IKZF2: variants seen among roughly 807,000 people sequenced by gnomAD.
IKZF2 encodes zinc finger protein Helios.
In IKZF2, 15 loss-of-function variants were observed where a neutral mutation model predicts 49.2. That is an observed-to-expected ratio of 0.30 (90% CI 0.20 to 0.47). The LOEUF is 0.47. Among genes scored for constraint, IKZF2 ranks in the 20% least tolerant of loss-of-function variants. The pLI is 1.00. For synonymous variants in IKZF2, 227 were observed against 221.4 expected (o/e 1.03, Z -0.23); for missense variants, 567 against 664.6 (o/e 0.85, Z 1.61).
intron 4 of IKZF2, among the ~76,000 whole-genome samples, chr2:213,065,682 G>A (rs1053774983): frequency 2.0e-5 from 3 of 151,992 alleles, no homozygotes; most frequent in Non-Finnish European, 2.9e-5. Flanking sequence ...TTACAAATGA[G>A]GAAACTGAAG....
At chr2:213,124,536 G>A (rs927038527) in intron 4 of IKZF2, among the ~76,000 whole-genome samples, 5 of 152,074 alleles carry the variant, frequency 3.3e-5, no homozygotes, top group Admixed American at 3.3e-4. Flanking sequence ...GACAGACCAG[G>A]AGCTACAAAA....
At chr2:213,148,735 G>T in intron 2 of IKZF2, 91 bp from the exon 3 acceptor site, 1 of 1,067,600 alleles carries the variant, frequency 9.4e-7, no homozygotes, top group Non-Finnish European at 1.4e-6. Context: ...CAAGCAGTTA[G>T]TCCATGTTGC....
chr2:213,024,751 C>T (rs17356175), intron 6 of IKZF2, among the ~76,000 whole-genome samples: 29,917 of 151,882 alleles, frequency 0.2, 3,926 homozygotes, highest in Non-Finnish European at 0.29. Context: ...CAGACATTGC[C>T]AACAATCCCT....
intron 6 of IKZF2, among the ~76,000 whole-genome samples, chr2:213,026,183 GT>G (rs1461461147): frequency 6.6e-6 from 1 of 152,088 alleles, no homozygotes; most frequent in African/African-American, 2.4e-5. Context: ...ACACTTCTGA[GT>G]TTTGTTTGTT....
At chr2:213,041,105 G>A (rs1699595534) in intron 6 of IKZF2, among the ~76,000 whole-genome samples, 1 of 151,028 alleles carries the variant, frequency 6.6e-6, no homozygotes, top group Non-Finnish European at 1.5e-5. Context: ...GCCACAGAGT[G>A]AGACCCTGTC....
At position 213,001,446 on chromosome 2, in the gene IKZF2, A is replaced by G. The variant is rs1694895145; in HGVS notation, c.*5914T>C. The G allele has an allele frequency of 6.6e-6, 1 of 151,908 alleles. No individual in the cohort carries two copies. The highest frequency in any genetic ancestry group is 6.6e-5 in the Admixed American group (1 of 15,170). 9.4% of individuals were successfully genotyped at this position (151,908 alleles called of 1,614,324 possible). Reference sequence around the variant, plus strand: ...TAAAGGAAAGCAAACATACTATAATAGGATTACATAATCTCTGAAGTAATG... The same window carrying G: ...TAAAGGAAAGCAAACATACTATAATGGGATTACATAATCTCTGAAGTAATG... On this transcript the variant is annotated 3_prime_UTR_variant, in exon 9 of 9. Coordinates refer to ENST00000434687, the MANE Select transcript of IKZF2 (RefSeq NM_001387220.1).
chr2:213,069,369 A>T (rs1360255209), intron 4 of IKZF2, among the ~76,000 whole-genome samples: 1 of 152,138 alleles, frequency 6.6e-6, no homozygotes, highest in Non-Finnish European at 1.5e-5. Flanking sequence ...AACCATTAAA[A>T]GTTATTTTAA....
intron 7 of IKZF2, 79 bp downstream of exon 7, chr2:213,021,914 C>T (rs1697261979): frequency 4.2e-6 from 3 of 709,622 alleles, no homozygotes; most frequent in Non-Finnish European, 6.0e-6. Context: ...TAGTTTTAAA[C>T]AGCATAAGAT....
At chr2:213,067,556 A>G (rs559137849) in intron 4 of IKZF2, among the ~76,000 whole-genome samples, 2 of 152,142 alleles carry the variant, frequency 1.3e-5, no homozygotes, top group Non-Finnish European at 2.9e-5. Context: ...AAAGTACAAG[A>G]GAATTAATGC....
intron 4 of IKZF2, among the ~76,000 whole-genome samples, chr2:213,092,556 T>C (rs758063849): frequency 6.6e-6 from 1 of 152,150 alleles, no homozygotes; most frequent in Non-Finnish European, 1.5e-5. Flanking sequence ...GTCCCCCCTG[T>C]GATGGTACCA....
rs112988286 is a variant in IKZF2 at position 213,147,680 on chromosome 2, A to AC, written c.139+27_139+28insG. 5.3e-3 allele frequency: 5,791 copies of AC among 1,098,280 alleles called. 38 individuals carry two copies. The highest frequency in any genetic ancestry group is 0.031 in the Middle Eastern group (105 of 3,394). The allele number at this position is 1,098,280 out of a possible 1,614,324, so 68.0% of individuals were successfully genotyped here. On this transcript the variant is annotated intron_variant, in intron 4 of 8. Transcript: ENST00000434687. ...TGTTGCTGGAGAGACACACACACAC[A>AC]AAAAAAAATCATAAAATGAAGACTT...
chr2:213,040,954 C>T (rs914486739), intron 6 of IKZF2, among the ~76,000 whole-genome samples: 1 of 151,870 alleles, frequency 6.6e-6, no homozygotes, highest in Non-Finnish European at 1.5e-5. Context: ...CCCGTCTCTA[C>T]TAAAAATACA....
At chr2:213,008,775 G>A (rs1300626576) in intron 8 of IKZF2, among the ~76,000 whole-genome samples, 1 of 152,046 alleles carries the variant, frequency 6.6e-6, no homozygotes, top group Non-Finnish European at 1.5e-5. Context: ...TAGTGACCAA[G>A]CTACAAAGAT....
chr2:213,006,217 G>C lies in IKZF2; in HGVS notation c.*1143C>G, dbSNP rs1305152072. 6.6e-6 allele frequency: 1 copy of C among 152,156 alleles called. No homozygotes were observed. Among genetic ancestry groups the C allele is most frequent in the Non-Finnish European group, 1.5e-5 (1 of 67,966 alleles). The allele number at this position is 152,156 out of a possible 1,614,324, so 9.4% of individuals were successfully genotyped here. On this transcript the variant is annotated 3_prime_UTR_variant, in exon 9 of 9. Transcript: ENST00000434687. ...GAGATTTTGAAAGAAACAGCCGACAGGAAGACTTTTAAGACCTTCTACTCG... is the reference window on the plus strand; with the variant it reads ...GAGATTTTGAAAGAAACAGCCGACACGAAGACTTTTAAGACCTTCTACTCG...
intron 4 of IKZF2, among the ~76,000 whole-genome samples, chr2:213,073,273 A>G (rs182555429): frequency 1.3e-5 from 2 of 152,274 alleles, no homozygotes; most frequent in East Asian, 3.9e-4. Context: ...ACTGAACTAG[A>G]AGTAAGATTC....
intron 4 of IKZF2, among the ~76,000 whole-genome samples, chr2:213,139,665 T>C (rs2060799481): frequency 6.6e-6 from 1 of 152,000 alleles, no homozygotes; most frequent in South Asian, 2.1e-4. Context: ...AACCTTGAGA[T>C]ACAGATCCAC....
At chr2:213,132,201 G>T in intron 4 of IKZF2, among the ~76,000 whole-genome samples, 1 of 152,024 alleles carries the variant, frequency 6.6e-6, no homozygotes, top group Non-Finnish European at 1.5e-5. Context: ...CCCTCAGGCT[G>T]CAGAGATTAC....
intron 5 of IKZF2, among the ~76,000 whole-genome samples, chr2:213,054,947 A>G (rs1289570671): frequency 6.6e-6 from 1 of 152,144 alleles, no homozygotes; most frequent in East Asian, 1.9e-4. Context: ...ACAAATTAAC[A>G]ATCCTCATGA....
chr2:213,145,384 TA>T (rs1250130987), intron 4 of IKZF2, among the ~76,000 whole-genome samples: 1 of 151,862 alleles, frequency 6.6e-6, no homozygotes, highest in Non-Finnish European at 1.5e-5. Context: ...TTGAAGATAT[TA>T]AAAAATGCAG....
Sources: gnomAD v4.1 joint callset for allele counts (sites outside exome capture counted in the v4.1 genomes callset) on GRCh38, gnomAD v4.1.1 for gene constraint, MANE v1.5 for transcripts, NCBI Gene and HGNC (gene_info 2026-07-23, HGNC 2026-07-21) for gene names.